Variants in PANK1 observed in about 807,000 individuals in gnomAD.
The protein encoded by PANK1 is pantothenate kinase 1.
PANK1 carries 18 observed loss-of-function variants against 40.1 expected under a neutral mutation model. The ratio of observed to expected loss-of-function variants is 0.45; its 90% CI spans 0.31 to 0.67. The LOEUF (loss-of-function observed/expected upper bound fraction) is 0.67. Among genes scored for constraint, PANK1 ranks in the 30% least tolerant of loss-of-function variants. The pLI, the probability that PANK1 is intolerant of heterozygous loss-of-function variation, is 0.06. For missense variants in PANK1, 457 were observed against 599.6 expected (o/e 0.76, Z 2.48); for synonymous variants, 242 against 237.7 (o/e 1.02, Z -0.17).
intron 1 of PANK1, among the ~76,000 whole-genome samples, chr10:89,628,042 T>C (rs1017796838): frequency 2.6e-5 from 4 of 152,166 alleles, no homozygotes; most frequent in African/African-American, 9.7e-5. Context: ...ACAAGTATTA[T>C]GAGGAAGTGG....
chr10:89,611,060 T>G (rs934442164), intron 2 of PANK1, among the ~76,000 whole-genome samples: 1 of 152,236 alleles, frequency 6.6e-6, no homozygotes, highest in Non-Finnish European at 1.5e-5. Flanking sequence ...TTGTTAAATC[T>G]AAATGAGCAA....
intron 1 of PANK1, among the ~76,000 whole-genome samples, chr10:89,615,147 A>G (rs1845278604): frequency 1.3e-5 from 2 of 152,202 alleles, no homozygotes; most frequent in South Asian, 4.1e-4. Flanking sequence ...CAGTAAAAGC[A>G]GATAATAAAA....
chr10:89,618,789 T>C (rs1324469729), intron 1 of PANK1, among the ~76,000 whole-genome samples: 1 of 152,246 alleles, frequency 6.6e-6, no homozygotes, highest in Non-Finnish European at 1.5e-5. Flanking sequence ...TTCTTTCTGT[T>C]ACCTTAACCA....
chr10:89,615,425 T>G (rs1476896165), intron 1 of PANK1, among the ~76,000 whole-genome samples: 1 of 152,232 alleles, frequency 6.6e-6, no homozygotes, highest in Admixed American at 6.5e-5. Context: ...TTCAGAACCC[T>G]GGTTCCTTCC....
At position 89,644,959 on chromosome 10, in the gene PANK1, G is replaced by A; in HGVS notation, c.-68C>T. 2 of 1,572,828 alleles carry A rather than the reference G, an allele frequency of 1.3e-6. No homozygotes were observed. The highest frequency in any genetic ancestry group is 1.8e-5 in the Admixed American group (1 of 55,300). On this transcript the variant is annotated 5_prime_UTR_variant, in exon 1 of 7. In the 5' UTR this introduces an upstream ATG that the reference lacks. Transcript: ENST00000307534. The stretch of plus-strand genomic sequence containing the variant: ...GCCTCGCTGGAGGTCATTCTCCGGC[G>A]TCTTTATTTCCCCGGATCCTCCCTG...
chr10:89,636,853 A>G (rs1024351741), intron 1 of PANK1, among the ~76,000 whole-genome samples: 1 of 147,718 alleles, frequency 6.8e-6, no homozygotes, highest in Non-Finnish European at 1.5e-5. Context: ...CCTGAGCCAC[A>G]CCAGAGCACC....
At chr10:89,608,258 C>G (rs1263678444) in intron 2 of PANK1, among the ~76,000 whole-genome samples, 1 of 151,954 alleles carries the variant, frequency 6.6e-6, no homozygotes, top group East Asian at 1.9e-4. Flanking sequence ...GTCTCGATCT[C>G]CTGACCTCGT....
At chr10:89,584,597 C>A in intron 6 of PANK1, 132 bp from the exon 7 acceptor site, 1 of 616,630 alleles carries the variant, frequency 1.6e-6, no homozygotes, top group Non-Finnish European at 2.9e-6. Context: ...CAAAACATGG[C>A]AGAATAATAA....
At chr10:89,605,694 A>T (rs974840446) in intron 2 of PANK1, among the ~76,000 whole-genome samples, 2 of 152,072 alleles carry the variant, frequency 1.3e-5, no homozygotes, top group African/African-American at 4.8e-5. Context: ...ACTCCTCCTA[A>T]AGCTATTTTA....
At chr10:89,579,853 G>A (rs1162730403), downstream of PANK1, 1 of 152,210 alleles carries the variant, frequency 6.6e-6, no homozygotes, top group African/African-American at 2.4e-5. Flanking sequence ...CAGAGCTCCT[G>A]AAGTCTTGTT....
chr10:89,642,206 T>C (rs940450938), intron 1 of PANK1, among the ~76,000 whole-genome samples: 1 of 152,348 alleles, frequency 6.6e-6, no homozygotes, highest in Admixed American at 6.5e-5. Flanking sequence ...GAGGTCAGAT[T>C]AAAATTTGTT....
chr10:89,582,670 T>G (rs1239552578), downstream of PANK1: 6 of 152,220 alleles, frequency 3.9e-5, no homozygotes, highest in Non-Finnish European at 8.8e-5. Context: ...TGAATTTTTT[T>G]AAAGCCAGAT....
chr10:89,595,828 AAAAAAATATATATAT>A (rs1844559821), intron 3 of PANK1, among the ~76,000 whole-genome samples: 1 of 67,142 alleles, frequency 1.5e-5, no homozygotes, highest in Non-Finnish European at 2.6e-5. Context: ...AAAAAAAAAA[AAAAAAATATATATAT>A]ATATATATAT....
At chr10:89,629,334 A>AT (rs552447353) in intron 1 of PANK1, among the ~76,000 whole-genome samples, 20 of 151,862 alleles carry the variant, frequency 1.3e-4, no homozygotes, top group South Asian at 1.0e-3. Flanking sequence ...TTACAAGTGA[A>AT]TTTTTTTTTA....
downstream of PANK1, chr10:89,582,794 C>G (rs1417299829): frequency 2.0e-5 from 3 of 152,128 alleles, no homozygotes; most frequent in Admixed American, 2.0e-4. Flanking sequence ...CAATAAAGCT[C>G]TATTTTAAAA....
chr10:89,642,298 C>T (rs1298078325), intron 1 of PANK1, among the ~76,000 whole-genome samples: 1 of 152,130 alleles, frequency 6.6e-6, no homozygotes, highest in African/African-American at 2.4e-5. Context: ...TGTCCTTTAC[C>T]TACAATACTA....
At chr10:89,638,964 TC>T (rs892423094) in intron 1 of PANK1, among the ~76,000 whole-genome samples, 4 of 152,330 alleles carry the variant, frequency 2.6e-5, no homozygotes, top group African/African-American at 9.6e-5. Context: ...ATAGCCTGCT[TC>T]CCCACATTCT....
chr10:89,606,667 G>A (rs568142477), intron 2 of PANK1, among the ~76,000 whole-genome samples: 2 of 152,066 alleles, frequency 1.3e-5, no homozygotes, highest in Admixed American at 6.5e-5. Context: ...GGGACTATAG[G>A]GGTGCACCAC....
At chr10:89,600,163 CA>C (rs1299433961) in intron 2 of PANK1, among the ~76,000 whole-genome samples, 1 of 152,180 alleles carries the variant, frequency 6.6e-6, no homozygotes, top group Admixed American at 6.5e-5. Flanking sequence ...TTGTTTGAAC[CA>C]TTAAGTTTAT....
Sources: gnomAD v4.1 joint callset for allele counts (sites outside exome capture counted in the v4.1 genomes callset) on GRCh38, gnomAD v4.1.1 for gene constraint, MANE v1.5 for transcripts, NCBI Gene and HGNC (gene_info 2026-07-23, HGNC 2026-07-21) for gene names.